The following PUDP variants were observed in gnomAD, a reference collection of about 807,000 sequenced individuals.
The protein encoded by PUDP is pseudouridine-5'-phosphatase.
PUDP carries 8 observed loss-of-function variants against 9.4 expected under a neutral mutation model. The observed-to-expected ratio is 0.85, with a 90% CI of 0.50 to 1.53. The LOEUF (loss-of-function observed/expected upper bound fraction) is 1.53, where lower values mean the gene tolerates loss of function less well. PUDP is among the 40% of genes most tolerant of loss of function. The pLI is 0.00. For missense variants in PUDP, 188 were observed against 189.7 expected (o/e 0.99, Z 0.05); for synonymous variants, 99 against 80.7 (o/e 1.23, Z -1.22).
intron 1 of PUDP, among the ~76,000 whole-genome samples, chrX:7,011,386 T>C (rs1433510149): frequency 8.9e-6 from 1 of 111,785 alleles, no homozygotes; most frequent in East Asian, 2.8e-4. Context: ...ACGAACAGCA[T>C]TTGTACACTG....
intron 1 of PUDP, among the ~76,000 whole-genome samples, chrX:7,004,005 A>G (rs1929366379): frequency 1.8e-5 from 2 of 110,846 alleles, no homozygotes; most frequent in Admixed American, 1.9e-4. Context: ...TCTCCTGAGT[A>G]GCTGGGACTA....
chrX:6,984,007 C>T lies in PUDP; in HGVS notation c.205-5664G>A, dbSNP rs1324350872. ...AATAAATCCCTTTATTCCTTCCTTG[C>T]TTTGTGTGTGCATTTTGTCCAATTT... On this transcript the variant is annotated intron_variant and NMD_transcript_variant, in intron 1 of 3. Coordinates refer to the PUDP transcript ENST00000655425. 2.7e-5 allele frequency among the ~76,000 whole-genome samples: 3 copies of T among 112,372 alleles called. No homozygotes were observed. The East Asian group carries it at 8.4e-4, about 31-fold the overall frequency.
intron 3 of PUDP, among the ~76,000 whole-genome samples, chrX:6,802,834 A>C (rs1452288165): frequency 1.9e-5 from 2 of 107,607 alleles, no homozygotes; most frequent in Non-Finnish European, 3.8e-5. Flanking sequence ...GCAGTGAGCC[A>C]AGATGGTGCC....
intron 3 of PUDP, among the ~76,000 whole-genome samples, chrX:6,934,242 G>A (rs1398880383): frequency 1.9e-5 from 2 of 105,647 alleles, no homozygotes; most frequent in East Asian, 6.0e-4. Flanking sequence ...GAAAGGTTGG[G>A]TTACCCACAA....
At chrX:7,053,899 T>C (rs763604371) in intron 3 of PUDP, among the ~76,000 whole-genome samples, 30 of 111,857 alleles carry the variant, frequency 2.7e-4, no homozygotes, top group Admixed American at 4.7e-4. Context: ...TTGGAGACCT[T>C]TTTACTGTTT....
intron 3 of PUDP, among the ~76,000 whole-genome samples, chrX:6,947,249 G>GTGATCCATCCA (rs1928482096): frequency 9.0e-6 from 1 of 110,801 alleles, no homozygotes; most frequent in African/African-American, 3.3e-5. Flanking sequence ...TGGAACTCAG[G>GTGATCCATCCA]TGATCCATCC....
At chrX:6,789,986 GA>G (rs1925716992) in intron 3 of PUDP, among the ~76,000 whole-genome samples, 1 of 109,498 alleles carries the variant, frequency 9.1e-6, no homozygotes, top group Non-Finnish European at 1.9e-5. Flanking sequence ...CATAGAGATA[GA>G]TAGAGTAGAT....
intron 3 of PUDP, among the ~76,000 whole-genome samples, chrX:6,864,832 C>T (rs1927054554): frequency 8.9e-6 from 1 of 111,987 alleles, no homozygotes; most frequent in Non-Finnish European, 1.9e-5. Context: ...TGCAATTCCA[C>T]TGAGTCCACC....
At chrX:7,051,706 C>T (rs1241404136) in intron 3 of PUDP, among the ~76,000 whole-genome samples, 2 of 112,243 alleles carry the variant, frequency 1.8e-5, no homozygotes, top group African/African-American at 6.5e-5. Context: ...GAGCCTGCTC[C>T]ATAGTATAAA....
At chrX:6,738,551 T>A (rs1264001603) in intron 3 of PUDP, among the ~76,000 whole-genome samples, 1 of 111,953 alleles carries the variant, frequency 8.9e-6, no homozygotes, top group Admixed American at 9.5e-5. Context: ...TTTGAGCAAC[T>A]GTCCATTTTC....
chrX:6,742,432 T>C (rs1445605470), intron 3 of PUDP, among the ~76,000 whole-genome samples: 2 of 112,310 alleles, frequency 1.8e-5, no homozygotes, highest in Non-Finnish European at 3.7e-5. Flanking sequence ...GCAGAGACTG[T>C]GTGGTTCACA....
intron 1 of PUDP, among the ~76,000 whole-genome samples, chrX:7,022,304 T>C (rs1160858966): frequency 8.9e-6 from 1 of 111,897 alleles, no homozygotes; most frequent in African/African-American, 3.2e-5. Context: ...AAGTACATCC[T>C]GTTTCTCAGG....
chrX:6,782,971 A>T, intron 3 of PUDP, among the ~76,000 whole-genome samples: 1 of 110,717 alleles, frequency 9.0e-6, no homozygotes, highest in South Asian at 3.9e-4. Context: ...TCATACTCCC[A>T]CCCTCACGCA....
rs777549087 is a variant in PUDP, at chrX:6,870,873, T to C, written c.*247+106260A>G. 7.9e-4 allele frequency among the ~76,000 whole-genome samples: 88 copies of C among 111,692 alleles called. 1 individual carries two copies. Among genetic ancestry groups the C allele is most frequent in the Middle Eastern group, 4.6e-3 (1 of 217 alleles). ...TTTTTTTATAGAGACCGAATCTTTC[T>C]GTTTCCCAGGCTGGAGTGCACTGGT... is the stretch of plus-strand genomic sequence containing the variant. On this transcript the variant is annotated intron_variant and NMD_transcript_variant, in intron 3 of 3. Transcript: ENST00000655425.
intron 1 of PUDP, chrX:7,116,931 T>C: frequency 1.7e-6 from 2 of 1,164,926 alleles, no homozygotes; most frequent in Non-Finnish European, 2.3e-6. Context: ...CTCTGGCTCA[T>C]GCTTTTGCCA....
At chrX:6,822,495 C>G (rs1022256432) in intron 3 of PUDP, among the ~76,000 whole-genome samples, 1 of 111,841 alleles carries the variant, frequency 8.9e-6, no homozygotes, top group Non-Finnish European at 1.9e-5. Context: ...GGCGCGATTT[C>G]GGCTCACTGC....
At chrX:6,938,510 C>T (rs1294408958) in intron 3 of PUDP, among the ~76,000 whole-genome samples, 2 of 87,457 alleles carry the variant, frequency 2.3e-5, no homozygotes, top group Non-Finnish European at 4.4e-5. Context: ...GGAGGGATAG[C>T]ATCGGGAGAT....
intron 2 of PUDP, among the ~76,000 whole-genome samples, chrX:7,094,596 G>A (rs1449349684): frequency 9.0e-6 from 1 of 110,861 alleles, no homozygotes; most frequent in African/African-American, 3.3e-5. Flanking sequence ...TCCTGACCTC[G>A]TGATCCGCCC....
chrX:6,858,190 T>G (rs1343222750), intron 3 of PUDP, among the ~76,000 whole-genome samples: 1 of 111,537 alleles, frequency 9.0e-6, no homozygotes, highest in East Asian at 2.8e-4. Flanking sequence ...TCAGTAGAGC[T>G]TCCTGGCTGG....
Sources: gnomAD v4.1 joint callset for allele counts (sites outside exome capture counted in the v4.1 genomes callset) on GRCh38, gnomAD v4.1.1 for gene constraint, MANE v1.5 for transcripts, NCBI Gene and HGNC (gene_info 2026-07-23, HGNC 2026-07-21) for gene names.